The following CDK14 variants were observed in gnomAD, a reference collection of about 807,000 sequenced individuals.
CDK14 encodes the protein cyclin-dependent kinase 14.
In CDK14, 34 loss-of-function variants were observed where a neutral mutation model predicts 60.7. The ratio of observed to expected loss-of-function variants is 0.56; its 90% CI spans 0.43 to 0.75. CDK14 has a LOEUF of 0.75. CDK14 is among the 30% of genes least tolerant of loss of function. The pLI is 0.00. For synonymous variants in CDK14, 197 were observed against 203.7 expected (o/e 0.97, Z 0.28); for missense variants, 482 against 564.1 (o/e 0.85, Z 1.47).
chr7:90,649,134 G>A (rs898061423), intron 2 of CDK14, among the ~76,000 whole-genome samples: 1 of 152,154 alleles, frequency 6.6e-6, no homozygotes, highest in Admixed American at 6.5e-5. Context: ...GGCAGTAGGA[G>A]ACACTGGTGG....
intron 14 of CDK14, among the ~76,000 whole-genome samples, chr7:91,144,394 T>A (rs1800560369): frequency 6.6e-6 from 1 of 152,236 alleles, no homozygotes; most frequent in South Asian, 2.1e-4. Context: ...CATTTGTTTT[T>A]AAAAAATATA....
At chr7:91,076,505 T>C (rs1221569728) in intron 11 of CDK14, among the ~76,000 whole-genome samples, 2 of 151,986 alleles carry the variant, frequency 1.3e-5, no homozygotes, top group African/African-American at 4.8e-5. Flanking sequence ...TAACTCAAAA[T>C]GAATTAAAGA....
At chr7:90,802,322 A>G (rs1788671565) in intron 5 of CDK14, among the ~76,000 whole-genome samples, 1 of 152,222 alleles carries the variant, frequency 6.6e-6, no homozygotes, top group Non-Finnish European at 1.5e-5. Flanking sequence ...CTCAGCCTAG[A>G]CATTTCTGAA....
chr7:91,093,999 C>T (rs1449127082), intron 12 of CDK14, among the ~76,000 whole-genome samples: 1 of 151,854 alleles, frequency 6.6e-6, no homozygotes, highest in Non-Finnish European at 1.5e-5. Context: ...ACAAAGATGG[C>T]AGCAATAGAC....
chr7:90,997,767 A>G (rs193076817), intron 10 of CDK14, among the ~76,000 whole-genome samples: 1 of 152,344 alleles, frequency 6.6e-6, no homozygotes, highest in Admixed American at 6.5e-5. Context: ...CTTATCTTTC[A>G]TATAGAATAG....
intron 14 of CDK14, among the ~76,000 whole-genome samples, chr7:91,123,949 G>A (rs1013120402): frequency 5.9e-5 from 9 of 151,920 alleles, no homozygotes; most frequent in Admixed American, 5.9e-4. Flanking sequence ...AAGAGACAGG[G>A]TCTCGCTCTG....
chr7:90,682,721 A>G (rs141867107), intron 2 of CDK14, among the ~76,000 whole-genome samples: 17 of 152,298 alleles, frequency 1.1e-4, no homozygotes, highest in Middle Eastern at 3.4e-3. Context: ...ATCATGCATT[A>G]CATTTACTTG....
At chr7:90,765,369 T>C (rs1486667781) in intron 4 of CDK14, among the ~76,000 whole-genome samples, 2 of 152,312 alleles carry the variant, frequency 1.3e-5, no homozygotes, top group East Asian at 3.9e-4. Context: ...TAAAAGAATG[T>C]GTATCATCTC....
At chr7:91,089,595 G>A (rs534526965) in intron 12 of CDK14, among the ~76,000 whole-genome samples, 1 of 150,048 alleles carries the variant, frequency 6.7e-6, no homozygotes, top group South Asian at 2.1e-4. Context: ...ACAGGCAACT[G>A]TTTATCTCCG....
Position 90,635,907 on chromosome 7 carries a change from G to A in CDK14, c.123+31658G>A, listed in dbSNP as rs879463690. Among the ~76,000 whole-genome samples the A allele has an allele frequency of 8.9e-3, 1,359 of 151,984 alleles. 13 individuals are homozygous for A. Among genetic ancestry groups the A allele is most frequent in the African/African-American group, 0.03 (1,254 of 41,360 alleles). Reference sequence around the variant, plus strand: ...TTCTCTTTGAAGCAATTGTGAATGGGAGTTCACTCATGATTTGGCTCTCTG... The same window carrying A: ...TTCTCTTTGAAGCAATTGTGAATGGAAGTTCACTCATGATTTGGCTCTCTG... On this transcript the variant is annotated intron_variant, in intron 2 of 14. Transcript: ENST00000380050.
chr7:90,713,728 A>T (rs1802145122), intron 2 of CDK14, among the ~76,000 whole-genome samples: 1 of 151,802 alleles, frequency 6.6e-6, no homozygotes, highest in African/African-American at 2.4e-5. Flanking sequence ...TCATGATGTA[A>T]GTCCCAGGGG....
intron 14 of CDK14, among the ~76,000 whole-genome samples, chr7:91,179,978 A>T (rs774228620): frequency 1.3e-5 from 2 of 152,232 alleles, no homozygotes; most frequent in Non-Finnish European, 2.9e-5. Context: ...ACTTATGTAC[A>T]TATTTATGCT....
chr7:90,836,294 A>T (rs998331073), intron 5 of CDK14, among the ~76,000 whole-genome samples: 3 of 152,246 alleles, frequency 2.0e-5, no homozygotes, highest in African/African-American at 7.2e-5. Flanking sequence ...GCCTAGATGT[A>T]CAAAAAATAT....
chr7:90,869,014 C>T (rs1791284328), intron 6 of CDK14, among the ~76,000 whole-genome samples: 3 of 152,206 alleles, frequency 2.0e-5, no homozygotes, highest in Admixed American at 1.3e-4. Flanking sequence ...TACATACTGT[C>T]TTTTCAACTT....
At chr7:90,717,901 C>T (rs1470982559) in intron 2 of CDK14, among the ~76,000 whole-genome samples, 9 of 151,958 alleles carry the variant, frequency 5.9e-5, no homozygotes, top group Admixed American at 1.3e-4. Flanking sequence ...AATACAAACA[C>T]GTGAGAAACA....
At chr7:91,008,375 C>G (rs1196625814) in intron 10 of CDK14, among the ~76,000 whole-genome samples, 1 of 152,068 alleles carries the variant, frequency 6.6e-6, no homozygotes, top group Admixed American at 6.6e-5. Flanking sequence ...AGCAGTGCAG[C>G]CTGTGATCTC....
intron 2 of CDK14, among the ~76,000 whole-genome samples, chr7:90,718,027 T>C (rs1584817579): frequency 6.6e-6 from 1 of 151,992 alleles, no homozygotes; most frequent in African/African-American, 2.4e-5. Context: ...AGTAACAAAT[T>C]ATAAAATACA....
intron 6 of CDK14, among the ~76,000 whole-genome samples, chr7:90,872,246 T>G (rs558169206): frequency 1.1e-4 from 16 of 152,312 alleles, no homozygotes; most frequent in African/African-American, 3.8e-4. Flanking sequence ...ATAGGAAAAC[T>G]AGATTTGTCT....
At chr7:90,765,142 CCAAA>C (rs774122643) in intron 4 of CDK14, among the ~76,000 whole-genome samples, 8 of 152,108 alleles carry the variant, frequency 5.3e-5, no homozygotes, top group Non-Finnish European at 5.9e-5. Flanking sequence ...TATTGAGAAA[CCAAA>C]CAAGTAGTGT....
Sources: allele counts gnomAD v4.1 joint callset (sites outside exome capture counted in the v4.1 genomes callset), GRCh38; gene constraint gnomAD v4.1.1; transcripts MANE v1.5; gene names NCBI Gene and HGNC (gene_info 2026-07-23, HGNC 2026-07-21).